Variants in ITSN2 observed in about 807,000 individuals in gnomAD.
The protein encoded by ITSN2 is intersectin-2.
A neutral mutation model predicts 243.7 loss-of-function variants in ITSN2; 156 were observed. That is an observed-to-expected ratio of 0.64 (90% CI 0.56 to 0.73). The LOEUF (loss-of-function observed/expected upper bound fraction) is 0.73, where lower values mean the gene tolerates loss of function less well. ITSN2 is among the 30% of genes least tolerant of loss of function. ITSN2 has a pLI of 0.00. For missense variants in ITSN2, 1,801 were observed against 1,996.1 expected, an observed-to-expected ratio of 0.90 and a Z score of 1.86; for synonymous variants, 703 against 699.9, an observed-to-expected ratio of 1.00 and a Z score of -0.07.
At chr2:24,323,523 C>G (rs1157080091) in intron 2 of ITSN2, among the ~76,000 whole-genome samples, 7 of 152,132 alleles carry the variant, frequency 4.6e-5, no homozygotes, top group African/African-American at 1.7e-4. Context: ...CTGGAAAAGG[C>G]AGAACTGTAA....
At position 24,205,209 on chromosome 2, in the gene ITSN2, T is replaced by C; in HGVS notation, c.4762+5A>G. On this transcript the variant is annotated splice_donor_5th_base_variant and intron_variant, in intron 38 of 39. Transcript: ENST00000355123. Reference sequence around the variant, plus strand: ...GTCTGCTGAATGAATCAAGGCAGTATTTACCATTTGGTTTGCAGGCTTTTA... The same window carrying C: ...GTCTGCTGAATGAATCAAGGCAGTACTTACCATTTGGTTTGCAGGCTTTTA... 1 of 1,612,500 alleles carries C rather than the reference T, an allele frequency of 6.2e-7. No individual in the cohort carries two copies.
In ITSN2 at chr2:24,328,104, GCT is replaced by G; in HGVS notation, c.-24_-23del. ...TCATGGTCCTGAGTTTTCCTTGCTA[GCT>G]CTCAGCCATCTGCAACATAAAAATA... On this transcript the variant is annotated 5_prime_UTR_variant, in exon 2 of 40. An upstream open reading frame in the 5' UTR loses its in-frame stop. Transcript: ENST00000355123. 6.2e-7 allele frequency: 1 copy of G among 1,613,026 alleles called. No homozygotes were observed. Among genetic ancestry groups the G allele is most frequent in the South Asian group, 1.1e-5 (1 of 90,948 alleles).
chr2:24,264,665 C>A (rs1676382373), intron 20 of ITSN2, among the ~76,000 whole-genome samples: 1 of 131,618 alleles, frequency 7.6e-6, no homozygotes, highest in African/African-American at 2.8e-5. Context: ...CACTGAGTTG[C>A]TTTTGCACCT....
chr2:24,277,604 G>C (rs1678176209), intron 17 of ITSN2, among the ~76,000 whole-genome samples: 5 of 152,204 alleles, frequency 3.3e-5, no homozygotes, highest in Admixed American at 3.3e-4. Context: ...AGGTGGTTTA[G>C]TGATGAGGAG....
chr2:24,270,641 T>A (rs375295207), intron 20 of ITSN2, 30 bp downstream of exon 20: 18 of 1,045,452 alleles, frequency 1.7e-5, no homozygotes, highest in Non-Finnish European at 2.7e-5. Flanking sequence ...TTTAGGTTAT[T>A]CATGATTAAA....
At chr2:24,266,736 G>A (rs543956850) in intron 20 of ITSN2, among the ~76,000 whole-genome samples, 3 of 147,452 alleles carry the variant, frequency 2.0e-5, no homozygotes, top group Admixed American at 6.8e-5. Context: ...TGAGACAAGC[G>A]TAGGCAACAT....
chr2:24,287,701 G>A (rs977382970), intron 15 of ITSN2, among the ~76,000 whole-genome samples: 1 of 151,868 alleles, frequency 6.6e-6, no homozygotes, highest in African/African-American at 2.4e-5. Flanking sequence ...ACTACCACTC[G>A]TTATCTCTGA....
Position 24,300,121 on chromosome 2 carries a change from G to T in ITSN2, c.1132C>A (p.Leu378Met). The change falls in exon 12 of 40, where the codon CTG becomes ATG. Residue 378 changes from leucine (L) to methionine (M), a missense_variant. Physicochemically the swap from Leu to Met is conservative, Grantham distance 15. Around this residue, in one of 5 missense-constraint regions of ITSN2, gnomAD observed 787 missense variants for 803.9 expected, o/e 0.98. Coordinates refer to ENST00000355123, the MANE Select transcript of ITSN2 (RefSeq NM_006277.3). ...ATCAAGGCTTGGCGTCGCTTTTCCA[G>T]CTCCATGTTCCCTCGCTCATAGTTG... ...KANYERGNME[L>M]EKRRQALMEQ... 6.2e-7 allele frequency: 1 copy of T among 1,614,072 alleles called. No individual in the cohort carries two copies. Among genetic ancestry groups the T allele is most frequent in the Non-Finnish European group, 8.5e-7 (1 of 1,180,016 alleles).
chr2:24,316,676 T>C (rs1468720479), intron 2 of ITSN2, among the ~76,000 whole-genome samples: 1 of 152,230 alleles, frequency 6.6e-6, no homozygotes, highest in East Asian at 1.9e-4. Flanking sequence ...ACCCAATTTC[T>C]ACTATGTTAA....
chr2:24,269,745 AT>A (rs985915164), intron 20 of ITSN2, among the ~76,000 whole-genome samples: 3 of 152,222 alleles, frequency 2.0e-5, no homozygotes, highest in Non-Finnish European at 2.9e-5. Context: ...GTTGAAATAA[AT>A]AAAAAATATA....
chr2:24,302,148 G>A, intron 9 of ITSN2, 46 bp from the exon 10 acceptor site: 2 of 1,331,960 alleles, frequency 1.5e-6, no homozygotes, highest in East Asian at 2.7e-5. Flanking sequence ...TCTATTTGGA[G>A]TAAAATATTG....
intron 1 of ITSN2, among the ~76,000 whole-genome samples, chr2:24,359,189 A>G (rs1327449945): frequency 6.6e-6 from 1 of 152,228 alleles, no homozygotes; most frequent in Non-Finnish European, 1.5e-5. Context: ...GTTTCTAGGT[A>G]GCTTTTAGGT....
At chr2:24,300,283 A>G in intron 11 of ITSN2, 112 bp from the exon 12 acceptor site, 4 of 919,916 alleles carry the variant, frequency 4.3e-6, no homozygotes, top group Non-Finnish European at 6.5e-6. Context: ...CAGTATTTGA[A>G]TACTTCTCCT....
At chr2:24,324,584 T>C (rs974581816) in intron 2 of ITSN2, among the ~76,000 whole-genome samples, 3 of 152,030 alleles carry the variant, frequency 2.0e-5, no homozygotes, top group African/African-American at 7.3e-5. Flanking sequence ...ATGAACCACT[T>C]GCCTGGGCAC....
At chr2:24,236,894 C>A (rs1368307121) in intron 29 of ITSN2, among the ~76,000 whole-genome samples, 1 of 150,568 alleles carries the variant, frequency 6.6e-6, no homozygotes, top group Non-Finnish European at 1.5e-5. Flanking sequence ...ACAGGTTTCA[C>A]CAAGTTGCTC....
intron 34 of ITSN2, 106 bp downstream of exon 34, chr2:24,210,674 A>G: frequency 3.9e-6 from 4 of 1,020,514 alleles, no homozygotes; most frequent in Non-Finnish European, 5.6e-6. Context: ...TGGTGAGTCC[A>G]CGCAGGCTGC....
At chr2:24,258,346 A>T (rs1558503962) in intron 22 of ITSN2, among the ~76,000 whole-genome samples, 1 of 152,202 alleles carries the variant, frequency 6.6e-6, no homozygotes, top group Non-Finnish European at 1.5e-5. Flanking sequence ...AAGGTAAATA[A>T]TGTGTACTCA....
chr2:24,305,124 A>C (rs1474531079), intron 8 of ITSN2, among the ~76,000 whole-genome samples: 4 of 152,216 alleles, frequency 2.6e-5, no homozygotes, highest in Non-Finnish European at 5.9e-5. Context: ...CCTTGATTAC[A>C]TGAGCTCTTC....
At chr2:24,293,882 G>C (rs527913633) in intron 14 of ITSN2, 107 bp from the exon 15 acceptor site, 73 of 419,988 alleles carry the variant, frequency 1.7e-4, no homozygotes, top group Non-Finnish European at 2.0e-4. Flanking sequence ...ACTTATTTTA[G>C]AAATAATACA....
Sources: gnomAD v4.1 joint callset for allele counts (sites outside exome capture counted in the v4.1 genomes callset) on GRCh38, gnomAD v4.1.1 for gene constraint, gnomAD v4.1.1 regional missense constraint, MANE v1.5 for transcripts, NCBI Gene and HGNC (gene_info 2026-07-23, HGNC 2026-07-21) for gene names.